KDM2B: variants seen among roughly 807,000 people sequenced by gnomAD.
The protein encoded by KDM2B is lysine demethylase 2B.
In KDM2B, 26 loss-of-function variants were observed where a neutral mutation model predicts 150.0. The ratio of observed to expected loss-of-function variants is 0.17; its 90% CI spans 0.13 to 0.24. The LOEUF (loss-of-function observed/expected upper bound fraction) is 0.24. Ranked by LOEUF, KDM2B falls within the 10% of genes least tolerant of loss-of-function variation. KDM2B has a pLI of 1.00. For synonymous variants in KDM2B, 734 were observed against 729.5 expected (o/e 1.01, Z -0.10); for missense variants, 1,265 against 1,816.9 (o/e 0.70, Z 5.52).
At chr12:121,506,275 G>A (rs79919422) in intron 11 of KDM2B, among the ~76,000 whole-genome samples, 8,717 of 152,206 alleles carry the variant, frequency 0.057, 309 homozygotes, top group Middle Eastern at 0.11. Flanking sequence ...AGGATTACAG[G>A]TGTGAGCCAC....
the KDM2B span, chr12:121,420,743 G>C: frequency 6.2e-7 from 1 of 1,613,658 alleles, no homozygotes; most frequent in Non-Finnish European, 8.5e-7. Flanking sequence ...AAAGTAAACC[G>C]GTTATACAAA....
At chr12:121,485,449 G>C (rs933732143) in intron 12 of KDM2B, among the ~76,000 whole-genome samples, 1 of 152,086 alleles carries the variant, frequency 6.6e-6, no homozygotes, top group Non-Finnish European at 1.5e-5. Context: ...TATCAGTGCT[G>C]CCTCCCAAAT....
chr12:121,493,706 T>G (rs1345603767), intron 12 of KDM2B: 1 of 152,170 alleles, frequency 6.6e-6, no homozygotes, highest in African/African-American at 2.4e-5. Flanking sequence ...GTCACAACTG[T>G]CTACCCCACA....
Position 121,570,682 on chromosome 12 carries a change from A to G in KDM2B, c.397+3865T>C, listed in dbSNP as rs375920278. Among the ~76,000 whole-genome samples, 16 of 152,318 alleles carry G rather than the reference A, an allele frequency of 1.1e-4. No homozygotes were observed. The East Asian group carries it at 2.3e-3, about 22-fold the overall frequency. ...AGACAGACAATAACAAGTGTTAACA[A>G]GGATGTAGGGAAACCAGAACCCCTA... On this transcript the variant is annotated intron_variant, in intron 4 of 22. Coordinates refer to ENST00000377071, the MANE Select transcript of KDM2B (RefSeq NM_032590.5).
intron 12 of KDM2B, among the ~76,000 whole-genome samples, chr12:121,483,621 G>A (rs797039173): frequency 2.0e-5 from 3 of 152,026 alleles, no homozygotes; most frequent in African/African-American, 7.2e-5. Context: ...AGGTTGCCAT[G>A]AGCCGAGATT....
At chr12:121,558,135 C>T (rs896319967) in intron 4 of KDM2B, among the ~76,000 whole-genome samples, 1 of 152,218 alleles carries the variant, frequency 6.6e-6, no homozygotes, top group Admixed American at 6.5e-5. Flanking sequence ...GCTTGCCTGT[C>T]TTGATCGCTA....
chr12:121,472,769 T>C (rs1880903171), intron 12 of KDM2B, among the ~76,000 whole-genome samples: 1 of 152,174 alleles, frequency 6.6e-6, no homozygotes, highest in South Asian at 2.1e-4. Flanking sequence ...TCTCTATTCA[T>C]TTCCCTATCA....
intron 9 of KDM2B, among the ~76,000 whole-genome samples, chr12:121,515,691 C>T (rs781805383): frequency 3.9e-5 from 6 of 151,952 alleles, no homozygotes; most frequent in Non-Finnish European, 8.8e-5. Context: ...AAGGCCCAAA[C>T]CCAGCGTCTC....
At chr12:121,574,002 T>C (rs914137020) in intron 4 of KDM2B, among the ~76,000 whole-genome samples, 24 of 152,090 alleles carry the variant, frequency 1.6e-4, no homozygotes, top group Non-Finnish European at 3.1e-4. Context: ...CTGGAAAGAA[T>C]AGATTGATTG....
At chr12:121,412,108 C>G in the KDM2B span, among the ~76,000 whole-genome samples, 1 of 152,002 alleles carries the variant, frequency 6.6e-6, no homozygotes, top group South Asian at 2.1e-4. Context: ...GTCACCCAGG[C>G]TGGAGTGCAG....
At chr12:121,438,845 A>C (rs1188078491) in intron 22 of KDM2B, among the ~76,000 whole-genome samples, 3 of 151,472 alleles carry the variant, frequency 2.0e-5, no homozygotes, top group Non-Finnish European at 1.5e-5. Context: ...AAAAAAAAAA[A>C]CCTGTAGTTT....
chr12:121,454,441 A>AC (rs368103410), intron 12 of KDM2B, among the ~76,000 whole-genome samples: 1 of 152,132 alleles, frequency 6.6e-6, no homozygotes, highest in East Asian at 1.9e-4. Context: ...GGAAAATGGG[A>AC]CAGCCACAGC....
intron 22 of KDM2B, among the ~76,000 whole-genome samples, chr12:121,432,023 G>T (rs2137456830): frequency 6.6e-6 from 1 of 151,928 alleles, no homozygotes; most frequent in East Asian, 1.9e-4. Context: ...TGGGATTACA[G>T]GTGCCGGCCA....
At chr12:121,423,420 C>CGACA in the KDM2B span, 1 of 1,611,646 alleles carries the variant, frequency 6.2e-7, no homozygotes, top group Non-Finnish European at 8.5e-7. This position sits in a 1 kb window ranked among gnomAD's most constrained non-coding sequence, Gnocchi z 4.3. Context: ...ATGAGGAAGA[C>CGACA]GACAGCCTGT....
chr12:121,524,518 C>T (rs541058777), intron 8 of KDM2B, among the ~76,000 whole-genome samples: 1 of 152,324 alleles, frequency 6.6e-6, no homozygotes, highest in Admixed American at 6.5e-5. Flanking sequence ...CACTCCCCTT[C>T]GCAGCCAGGG....
chr12:121,500,956 C>A (rs1555301831), intron 11 of KDM2B, among the ~76,000 whole-genome samples: 1 of 152,148 alleles, frequency 6.6e-6, no homozygotes. Flanking sequence ...CAAAAATTAG[C>A]CAGGCATGGC....
intron 4 of KDM2B, among the ~76,000 whole-genome samples, chr12:121,565,005 G>T (rs893376599): frequency 4.0e-5 from 6 of 151,686 alleles, no homozygotes; most frequent in African/African-American, 1.5e-4. Flanking sequence ...GCTGATTTTT[G>T]TATTTTTTTC....
chr12:121,448,669 A>G (rs1199884890), intron 13 of KDM2B, among the ~76,000 whole-genome samples: 2 of 152,154 alleles, frequency 1.3e-5, no homozygotes, highest in Non-Finnish European at 2.9e-5. Flanking sequence ...TTGGTAAGTG[A>G]AAAAGACTTG....
At chr12:121,498,152 A>C (rs1884167959) in intron 11 of KDM2B, among the ~76,000 whole-genome samples, 1 of 152,210 alleles carries the variant, frequency 6.6e-6, no homozygotes, top group Admixed American at 6.5e-5. Context: ...AAAATCATTA[A>C]GAACAAATGA....
Sources: allele counts gnomAD v4.1 joint callset (sites outside exome capture counted in the v4.1 genomes callset), GRCh38; gene constraint gnomAD v4.1.1; non-coding constraint Gnocchi (gnomAD v3.1); transcripts MANE v1.5; gene names NCBI Gene and HGNC (gene_info 2026-07-23, HGNC 2026-07-21).